Variants in CCDC158 observed in about 807,000 individuals in gnomAD.
CCDC158 encodes coiled-coil domain-containing protein 158.
In CCDC158, 116 loss-of-function variants were observed where a neutral mutation model predicts 138.6. The observed-to-expected ratio is 0.84, with a 90% CI of 0.72 to 0.98. The LOEUF (loss-of-function observed/expected upper bound fraction) is 0.98, where lower values mean the gene tolerates loss of function less well. CCDC158 is among the 50% of genes least tolerant of loss of function. The pLI, the probability that CCDC158 is intolerant of heterozygous loss-of-function variation, is 0.00. For missense variants in CCDC158, 1,265 were observed against 1,306.1 expected (o/e 0.97, Z 0.48); for synonymous variants, 436 against 442.4 (o/e 0.99, Z 0.18).
At chr4:76,365,702 G>A (rs938227031) in intron 12 of CCDC158, among the ~76,000 whole-genome samples, 1 of 152,068 alleles carries the variant, frequency 6.6e-6, no homozygotes. Context: ...TTCCTTTGAG[G>A]CACTAACACA....
intron 18 of CCDC158, among the ~76,000 whole-genome samples, chr4:76,344,095 T>C (rs1427825790): frequency 6.6e-6 from 1 of 152,104 alleles, no homozygotes; most frequent in Non-Finnish European, 1.5e-5. Flanking sequence ...GATTGTATAT[T>C]TAGAAAACCC....
chr4:76,324,282 G>C (rs1720321139), intron 23 of CCDC158, among the ~76,000 whole-genome samples: 1 of 151,532 alleles, frequency 6.6e-6, no homozygotes, highest in South Asian at 2.1e-4. Flanking sequence ...CTGCCTCCCG[G>C]GTTCAAGTGA....
chr4:76,401,568 CA>C (rs1269301273), intron 3 of CCDC158: 1 of 168,030 alleles, frequency 6.0e-6, no homozygotes, highest in Non-Finnish European at 1.3e-5. Flanking sequence ...ATCCAGTTAT[CA>C]GTGTCATCTT....
chr4:76,356,709 C>T (rs569742765), intron 14 of CCDC158: 1 of 151,762 alleles, frequency 6.6e-6, no homozygotes, highest in Non-Finnish European at 1.5e-5. Context: ...GCGGCCAAAG[C>T]GAGCACAAAA....
chr4:76,334,005 C>T lies in CCDC158; in HGVS notation c.2822+5G>A. On this transcript the variant is annotated splice_donor_5th_base_variant and intron_variant, in intron 19 of 24. Transcript: ENST00000682701. Reference sequence around the variant, plus strand: ...CTTTCCCATTCTGTGTGCACACAGCCTTACACAGCCACATACAAGGCTCCC... The same window carrying T: ...CTTTCCCATTCTGTGTGCACACAGCTTTACACAGCCACATACAAGGCTCCC... The T allele has an allele frequency of 6.2e-7, 1 of 1,601,938 alleles. No individual in the cohort carries two copies. Among genetic ancestry groups the T allele is most frequent in the Non-Finnish European group, 8.5e-7 (1 of 1,172,562 alleles).
intron 18 of CCDC158, chr4:76,344,838 G>A (rs774205455): frequency 4.8e-5 from 77 of 1,595,722 alleles, no homozygotes; most frequent in Non-Finnish European, 6.4e-5. Context: ...AGAGGGTGAA[G>A]GGTCTATGAC....
intron 24 of CCDC158, among the ~76,000 whole-genome samples, chr4:76,321,224 C>A (rs1416108905): frequency 6.6e-6 from 1 of 152,058 alleles, no homozygotes; most frequent in Non-Finnish European, 1.5e-5. Context: ...ACTACCTACT[C>A]CTGCAAGAAT....
chr4:76,379,779 C>G (rs1726057303), intron 8 of CCDC158, among the ~76,000 whole-genome samples: 2 of 141,238 alleles, frequency 1.4e-5, no homozygotes, highest in African/African-American at 5.1e-5. Context: ...CACACACACA[C>G]ACGGTTTGGC....
At chr4:76,333,705 G>A (rs1721205680) in intron 19 of CCDC158, among the ~76,000 whole-genome samples, 1 of 152,122 alleles carries the variant, frequency 6.6e-6, no homozygotes. Context: ...ACCCTGCTCT[G>A]CCTTGTCTCA....
At chr4:76,334,518 T>G (rs1721291590) in intron 18 of CCDC158, among the ~76,000 whole-genome samples, 1 of 152,208 alleles carries the variant, frequency 6.6e-6, no homozygotes, top group African/African-American at 2.4e-5. Context: ...CTTTCAATAC[T>G]TTGTTTAAAG....
chr4:76,315,557 G>C (rs556550441), intron 24 of CCDC158, among the ~76,000 whole-genome samples: 1 of 152,290 alleles, frequency 6.6e-6, no homozygotes, highest in East Asian at 1.9e-4. Flanking sequence ...CCTGCACCAA[G>C]GAAGAAGAAA....
rs781065656 is a variant in CCDC158 at position 76,384,174 on chromosome 4, G to A, written c.640C>T (p.His214Tyr). 14 of 1,613,982 alleles carry A rather than the reference G, an allele frequency of 8.7e-6. No individual in the cohort carries two copies. Among genetic ancestry groups the A allele is most frequent in the Non-Finnish European group, 1.1e-5 (13 of 1,179,958 alleles). ...ATAGCTGAGCCCAAGCTGCGGAAGT[G>A]CAGAGTAGACATGCTGTCATGTTCA... ...ICEHDSMSTL[H>Y]FRSLGSAISK... Residue 214 changes from histidine to tyrosine, a missense_variant, in exon 6 of 25, where the codon CAC becomes TAC. By Grantham distance (83) the His-to-Tyr change is moderately conservative. Coordinates refer to ENST00000682701, the MANE Select transcript of CCDC158 (RefSeq NM_001394954.1).
chr4:76,348,434 CAAAAAAAAAAAAA>C (rs11342856), intron 18 of CCDC158, among the ~76,000 whole-genome samples: 3 of 54,462 alleles, frequency 5.5e-5, no homozygotes, highest in Non-Finnish European at 1.1e-4. Flanking sequence ...TACTCTGTCT[CAAAAAAAAAAAAA>C]AAAAAAAAAA....
At chr4:76,352,040 G>T in intron 16 of CCDC158, 2 of 383,512 alleles carry the variant, frequency 5.2e-6, no homozygotes, top group Admixed American at 4.4e-5. Flanking sequence ...AGTATGTGAA[G>T]GGCAAACAAT....
intron 1 of CCDC158, among the ~76,000 whole-genome samples, chr4:76,420,410 C>T (rs1212774834): frequency 6.6e-6 from 1 of 152,166 alleles, no homozygotes; most frequent in African/African-American, 2.4e-5. Flanking sequence ...CCTGGAGCAG[C>T]CTGAGTGGGG....
chr4:76,350,491 A>G (rs1223604812), intron 18 of CCDC158, among the ~76,000 whole-genome samples: 2 of 152,226 alleles, frequency 1.3e-5, no homozygotes, highest in African/African-American at 4.8e-5. Context: ...GAGAAAACAA[A>G]CTTGAATTTT....
At chr4:76,377,293 T>C (rs1725807217) in intron 9 of CCDC158, among the ~76,000 whole-genome samples, 1 of 152,220 alleles carries the variant, frequency 6.6e-6, no homozygotes, top group African/African-American at 2.4e-5. Context: ...GAGCTTTATT[T>C]AGTACTTTGC....
chr4:76,376,489 T>C (rs1162043326), intron 9 of CCDC158, among the ~76,000 whole-genome samples: 1 of 152,248 alleles, frequency 6.6e-6, no homozygotes, highest in East Asian at 1.9e-4. Context: ...TTTTAAGGTT[T>C]TAATAGGCTT....
intron 3 of CCDC158, among the ~76,000 whole-genome samples, chr4:76,397,804 C>A (rs986026022): frequency 2.0e-5 from 3 of 152,184 alleles, no homozygotes; most frequent in Non-Finnish European, 4.4e-5. Flanking sequence ...AGGTCCTAGA[C>A]ACAATGGCAC....
Sources: allele counts gnomAD v4.1 joint callset (sites outside exome capture counted in the v4.1 genomes callset), GRCh38; gene constraint gnomAD v4.1.1; transcripts MANE v1.5; gene names NCBI Gene and HGNC (gene_info 2026-07-23, HGNC 2026-07-21).